KDM2A: variants seen among roughly 807,000 people sequenced by gnomAD.
The protein encoded by KDM2A is lysine demethylase 2A.
A neutral mutation model predicts 137.3 loss-of-function variants in KDM2A; 3 were observed. The observed-to-expected ratio is 0.02, with a 90% CI of 0.01 to 0.06. The LOEUF (loss-of-function observed/expected upper bound fraction) is 0.06. Among genes scored for constraint, KDM2A ranks in the 10% least tolerant of loss-of-function variants. The pLI is 1.00. For synonymous variants in KDM2A, 512 were observed against 541.5 expected (o/e 0.95, Z 0.76); for missense variants, 738 against 1,510.6 (o/e 0.49, Z 8.48).
intron 5 of KDM2A, among the ~76,000 whole-genome samples, chr11:67,193,578 T>C (rs1857407088): frequency 6.6e-6 from 1 of 152,018 alleles, no homozygotes; most frequent in African/African-American, 2.4e-5. Context: ...ACGTATATAT[T>C]GGCTGGGCAT....
In KDM2A at chr11:67,245,071, G is replaced by C. The variant is rs932900100; in HGVS notation, c.1564-118G>C. 3.9e-6 allele frequency: 4 copies of C among 1,032,188 alleles called. No individual in the cohort carries two copies. In the Admixed American group the frequency reaches 8.8e-5, roughly 23 times the overall value. 63.9% of individuals were successfully genotyped at this position (1,032,188 alleles called of 1,614,324 possible). A position where few individuals can be genotyped will look rare whatever the true frequency, so the allele number is the denominator to read the frequency against. ...AAAATTTATTCTAGAAACAAGCAGT[G>C]GGCAGATCTGGCCATAGTGGGCCAA... is the stretch of plus-strand genomic sequence containing the variant. On this transcript the variant is annotated intron_variant, in intron 13 of 20. Transcript: ENST00000529006. The surrounding 1 kb of genome is among the most constrained non-coding windows in gnomAD (Gnocchi z 4.1).
chr11:67,232,730 C>T (rs1016112453), intron 12 of KDM2A, among the ~76,000 whole-genome samples: 2 of 148,150 alleles, frequency 1.3e-5, no homozygotes, highest in African/African-American at 2.5e-5. Context: ...TTATTTGAGA[C>T]GGAGTCTCAC....
At position 67,180,087 on chromosome 11, in the gene KDM2A, C is replaced by T. The variant is rs1337693170; in HGVS notation, c.51C>T (p.Thr17=). 5 of 1,613,084 alleles carry T rather than the reference C, an allele frequency of 3.1e-6. No homozygotes were observed. The highest frequency in any genetic ancestry group is 4.2e-6 in the Non-Finnish European group (5 of 1,179,548). Residue 17 remains threonine, a synonymous_variant, in exon 3 of 21, where the codon ACC becomes ACT. Transcript: ENST00000529006. ...RIRYSQRLRG[T]MRRRYEDDGI... ...GTTCCTTTCTTTCCTAGCGTGGTAC[C>T]ATGCGACGACGCTATGAAGATGATG...
At chr11:67,125,324 C>T (rs906422515) in intron 2 of KDM2A, among the ~76,000 whole-genome samples, 1 of 151,720 alleles carries the variant, frequency 6.6e-6, no homozygotes, top group Non-Finnish European at 1.5e-5. Context: ...AGGACTACAG[C>T]CCTGTGCCAC....
intron 5 of KDM2A, among the ~76,000 whole-genome samples, chr11:67,191,931 T>A (rs865947939): frequency 6.6e-6 from 1 of 152,222 alleles, no homozygotes; most frequent in South Asian, 2.1e-4. Context: ...TTTTATTTGT[T>A]ATTAGTATTT....
In KDM2A at chr11:67,250,379, A is replaced by G; in HGVS notation, c.2349A>G (p.Lys783=). The G allele has an allele frequency of 6.2e-7, 1 of 1,614,002 alleles. No homozygotes were observed. Among genetic ancestry groups the G allele is most frequent in the Non-Finnish European group, 8.5e-7 (1 of 1,179,886 alleles). The stretch of plus-strand genomic sequence containing the variant: ...AAAAGGAGAACAATCCCAGCGGCAA[A>G]AAGGAGCTGTCTGAAGTTGAGAAAG... ...VREKENNPSG[K]KELSEVEKAK... Residue 783 remains lysine, a synonymous_variant, in exon 17 of 21, where the codon AAA becomes AAG. Transcript: ENST00000529006. This position sits in a 1 kb window ranked among gnomAD's most constrained non-coding sequence, Gnocchi z 7.1.
chr11:67,123,428 C>CTA (rs1565367256), intron 2 of KDM2A, among the ~76,000 whole-genome samples: 1 of 151,916 alleles, frequency 6.6e-6, no homozygotes, highest in African/African-American at 2.4e-5. Context: ...TTCTTTATCT[C>CTA]TAACTTTGTA....
At chr11:67,222,059 C>CTT (rs11373238) in intron 10 of KDM2A, among the ~76,000 whole-genome samples, 2,357 of 110,478 alleles carry the variant, frequency 0.021, 31 homozygotes, top group Middle Eastern at 0.04. Flanking sequence ...CTCTGTCATT[C>CTT]TTTTTTTTTT....
At chr11:67,178,790 CAATT>C (rs1300879493) in intron 2 of KDM2A, among the ~76,000 whole-genome samples, 5 of 152,058 alleles carry the variant, frequency 3.3e-5, no homozygotes, top group Non-Finnish European at 7.4e-5. Context: ...ATGCATTCAT[CAATT>C]GATTGACATT....
At chr11:67,144,459 T>G (rs1856197102) in intron 2 of KDM2A, among the ~76,000 whole-genome samples, 1 of 151,318 alleles carries the variant, frequency 6.6e-6, no homozygotes, top group Non-Finnish European at 1.5e-5. Context: ...TCCATGTTGG[T>G]CAGGCTGGTC....
chr11:67,127,847 C>T (rs1393514588), intron 2 of KDM2A, among the ~76,000 whole-genome samples: 3 of 152,010 alleles, frequency 2.0e-5, no homozygotes, highest in Non-Finnish European at 4.4e-5. Context: ...GCTGGGATTA[C>T]AGGCATGCAC....
intron 10 of KDM2A, among the ~76,000 whole-genome samples, chr11:67,221,271 A>G (rs11227742): frequency 0.032 from 4,840 of 152,326 alleles, 122 homozygotes; most frequent in African/African-American, 0.07. Context: ...TTAGCAGAAT[A>G]CTAAGCTAGT....
intron 6 of KDM2A, among the ~76,000 whole-genome samples, chr11:67,208,694 C>A (rs1857887344): frequency 6.7e-6 from 1 of 149,670 alleles, no homozygotes; most frequent in African/African-American, 2.5e-5. Context: ...TCGCTTGAAC[C>A]TGGGAGGCAG....
chr11:67,120,553 C>T (rs1372940278), intron 1 of KDM2A, among the ~76,000 whole-genome samples: 1 of 152,138 alleles, frequency 6.6e-6, no homozygotes, highest in African/African-American at 2.4e-5. Context: ...TAGATGCAAT[C>T]GTTTATTTTA....
chr11:67,154,075 C>G (rs1179857845), intron 2 of KDM2A, among the ~76,000 whole-genome samples: 1 of 152,052 alleles, frequency 6.6e-6, no homozygotes, highest in East Asian at 1.9e-4. Context: ...TTAGAATTTT[C>G]CAATGTCCTA....
intron 2 of KDM2A, among the ~76,000 whole-genome samples, chr11:67,157,337 AAC>A (rs1565381729): frequency 6.6e-6 from 1 of 151,286 alleles, no homozygotes; most frequent in Non-Finnish European, 1.5e-5. Flanking sequence ...AAAAACAAAA[AAC>A]ACCACACAGT....
rs1435238304 is a variant in KDM2A at position 67,249,188 on chromosome 11, C to G, written c.2055+818C>G. Among the ~76,000 whole-genome samples the G allele has an allele frequency of 2.0e-5, 3 of 152,338 alleles. No homozygotes were observed. The East Asian group carries it at 5.8e-4, about 29-fold the overall frequency. ...TTTGAAGTTGACTAGGGCCAAAGTTCTCCTTAGTTCTTGCACTAGTGACCT... is the reference window on the plus strand; with the variant it reads ...TTTGAAGTTGACTAGGGCCAAAGTTGTCCTTAGTTCTTGCACTAGTGACCT... On this transcript the variant is annotated intron_variant, in intron 16 of 20. Transcript: ENST00000529006.
At chr11:67,166,310 A>G (rs1026392731) in intron 2 of KDM2A, among the ~76,000 whole-genome samples, 2 of 149,918 alleles carry the variant, frequency 1.3e-5, no homozygotes, top group Admixed American at 1.3e-4. Context: ...TCAGCCTCCC[A>G]AGTAGCTGGG....
intron 2 of KDM2A, among the ~76,000 whole-genome samples, chr11:67,125,184 T>C (rs1855691487): frequency 6.6e-6 from 1 of 151,440 alleles, no homozygotes; most frequent in South Asian, 2.1e-4. Context: ...CTTTTTTTTT[T>C]TTCTTTTTTT....
Sources: gnomAD v4.1 joint callset for allele counts (sites outside exome capture counted in the v4.1 genomes callset) on GRCh38, gnomAD v4.1.1 for gene constraint, Gnocchi (gnomAD v3.1) non-coding constraint, MANE v1.5 for transcripts, NCBI Gene and HGNC (gene_info 2026-07-23, HGNC 2026-07-21) for gene names.